FARSB: variants seen among roughly 807,000 people sequenced by gnomAD.
The protein encoded by FARSB is phenylalanyl-tRNA synthetase subunit beta, also known as phenylalanine--tRNA ligase beta subunit.
A neutral mutation model predicts 69.6 loss-of-function variants in FARSB; 40 were observed. That is an observed-to-expected ratio of 0.57 (90% CI 0.45 to 0.75). FARSB has a LOEUF of 0.75. Ranked by LOEUF, FARSB falls within the 30% of genes least tolerant of loss-of-function variation. The pLI is 0.00. For missense variants in FARSB, 632 were observed against 722.9 expected (o/e 0.87, Z 1.44); for synonymous variants, 235 against 247.2 (o/e 0.95, Z 0.46).
intron 8 of FARSB, among the ~76,000 whole-genome samples, chr2:222,630,641 A>T (rs1026848175): frequency 2.6e-5 from 4 of 152,230 alleles, no homozygotes; most frequent in African/African-American, 9.6e-5. Context: ...CATGTAGTAA[A>T]CACCATATAG....
In FARSB at chr2:222,655,171, G is replaced by A. The variant is rs541654148; in HGVS notation, c.58+845C>T. 3.6e-3 allele frequency among the ~76,000 whole-genome samples: 541 copies of A among 152,160 alleles called. 2 individuals are homozygous for A. Among genetic ancestry groups the A allele is most frequent in the African/African-American group, 0.013 (522 of 41,506 alleles). On this transcript the variant is annotated intron_variant, in intron 1 of 16. Coordinates refer to ENST00000281828, the MANE Select transcript of FARSB (RefSeq NM_005687.5). The stretch of plus-strand genomic sequence containing the variant: ...AGATCGCGCCACTGCACTCCAGCCT[G>A]GGAGTGCAGACTCCGTCTCAAAAAA...
rs1015283770 is a variant in FARSB at position 222,637,013 on chromosome 2, A to T, written c.456-2472T>A. 2.6e-5 allele frequency among the ~76,000 whole-genome samples: 4 copies of T among 152,220 alleles called. No individual in the cohort carries two copies. In the South Asian group the frequency reaches 6.2e-4, roughly 24 times the overall value. ...AGAATTATGGAAGAACATACACATA[A>T]TAAATAGACGAGGAAATATCTGCAG... On this transcript the variant is annotated intron_variant, in intron 5 of 16. Coordinates refer to ENST00000281828, the MANE Select transcript of FARSB (RefSeq NM_005687.5).
chr2:222,640,971 A>C (rs752525584), intron 3 of FARSB, 40 bp from the exon 4 acceptor site: 4 of 994,316 alleles, frequency 4.0e-6, no homozygotes, highest in Non-Finnish European at 6.1e-6. Context: ...TAATTAATCA[A>C]GACATTATAT....
chr2:222,618,866 G>C (rs779606437), intron 14 of FARSB, among the ~76,000 whole-genome samples: 5 of 152,188 alleles, frequency 3.3e-5, no homozygotes, highest in African/African-American at 4.8e-5. Context: ...AACCTGGCTA[G>C]GTGCTCATGC....
chr2:222,600,495 C>A (rs1438652595), intron 15 of FARSB, among the ~76,000 whole-genome samples: 1 of 152,052 alleles, frequency 6.6e-6, no homozygotes, highest in Non-Finnish European at 1.5e-5. Context: ...AACATTATTT[C>A]CAATAGTAAA....
chr2:222,655,354 C>A (rs1289777849), intron 1 of FARSB, among the ~76,000 whole-genome samples: 1 of 152,132 alleles, frequency 6.6e-6, no homozygotes, highest in Non-Finnish European at 1.5e-5. Context: ...TAATACTCCC[C>A]ATTCAGGTCT....
chr2:222,628,241 G>GA (rs1691326389), intron 10 of FARSB, among the ~76,000 whole-genome samples: 1 of 152,136 alleles, frequency 6.6e-6, no homozygotes, highest in Non-Finnish European at 1.5e-5. Flanking sequence ...AGCACTGTAG[G>GA]ATGCTACAAA....
intron 16 of FARSB, among the ~76,000 whole-genome samples, chr2:222,574,743 T>C (rs1689794644): frequency 2.6e-5 from 4 of 152,228 alleles, no homozygotes; most frequent in South Asian, 2.1e-4. Context: ...CAAGTTAAAA[T>C]TGTCATCACA....
chr2:222,580,859 G>T (rs62188507), intron 16 of FARSB, among the ~76,000 whole-genome samples: 2 of 151,928 alleles, frequency 1.3e-5, no homozygotes, highest in African/African-American at 4.8e-5. Flanking sequence ...ATAGTGACTC[G>T]GAAGGGGGAA....
chr2:222,583,607 C>G (rs919598815), intron 16 of FARSB, among the ~76,000 whole-genome samples: 1 of 152,120 alleles, frequency 6.6e-6, no homozygotes, highest in Non-Finnish European at 1.5e-5. Flanking sequence ...TAGAAGTCAC[C>G]AGGAGACTAA....
At chr2:222,612,946 C>T (rs577808310) in intron 15 of FARSB, among the ~76,000 whole-genome samples, 1 of 152,348 alleles carries the variant, frequency 6.6e-6, no homozygotes, top group South Asian at 2.1e-4. Context: ...TGGTAAAACA[C>T]ATTCGCAGTC....
intron 2 of FARSB, among the ~76,000 whole-genome samples, chr2:222,647,759 T>C (rs905609184): frequency 1.3e-5 from 2 of 152,138 alleles, no homozygotes; most frequent in African/African-American, 4.8e-5. Context: ...AGTGAAACTA[T>C]ATAAAGCACA....
At chr2:222,634,633 A>G (rs1431548558) in intron 5 of FARSB, 92 bp from the exon 6 acceptor site, 8 of 937,112 alleles carry the variant, frequency 8.5e-6, no homozygotes, top group Non-Finnish European at 1.1e-5. Context: ...AATTCTAAAG[A>G]TAACATAAAT....
intron 13 of FARSB, among the ~76,000 whole-genome samples, chr2:222,623,402 A>G (rs1691188819): frequency 6.6e-6 from 1 of 152,174 alleles, no homozygotes; most frequent in South Asian, 2.1e-4. Flanking sequence ...GAAACTATAA[A>G]ATACTTTGTC....
At chr2:222,603,310 C>T (rs866134868) in intron 15 of FARSB, among the ~76,000 whole-genome samples, 16 of 152,228 alleles carry the variant, frequency 1.1e-4, no homozygotes, top group African/African-American at 3.6e-4. Flanking sequence ...AAGCTACTAG[C>T]AATAGTTGAC....
chr2:222,629,449 T>A (rs1012793163), intron 9 of FARSB, among the ~76,000 whole-genome samples: 2 of 152,204 alleles, frequency 1.3e-5, no homozygotes, highest in African/African-American at 2.4e-5. Flanking sequence ...TGCTTTGCTC[T>A]TATATATGCT....
chr2:222,632,459 G>A (rs1202595229), intron 7 of FARSB, among the ~76,000 whole-genome samples: 1 of 152,150 alleles, frequency 6.6e-6, no homozygotes, highest in African/African-American at 2.4e-5. Flanking sequence ...GTAACTACTA[G>A]GGTCCAAGAT....
intron 16 of FARSB, among the ~76,000 whole-genome samples, chr2:222,597,223 G>A (rs1269428611): frequency 6.6e-6 from 1 of 152,110 alleles, no homozygotes; most frequent in Non-Finnish European, 1.5e-5. Flanking sequence ...AGCTTTTCAT[G>A]TTCATAAATC....
intron 14 of FARSB, among the ~76,000 whole-genome samples, chr2:222,615,345 G>T (rs973438114): frequency 7.2e-5 from 11 of 152,092 alleles, no homozygotes; most frequent in Non-Finnish European, 1.5e-4. Context: ...TTCTCCATAC[G>T]GAGTGGTCCT....
Sources: gnomAD v4.1 joint callset for allele counts (sites outside exome capture counted in the v4.1 genomes callset) on GRCh38, gnomAD v4.1.1 for gene constraint, MANE v1.5 for transcripts, NCBI Gene and HGNC (gene_info 2026-07-23, HGNC 2026-07-21) for gene names.